Variants in MYCBP2 observed in about 807,000 individuals in gnomAD.
MYCBP2 encodes the protein E3 ubiquitin-protein ligase MYCBP2.
MYCBP2 carries 120 observed loss-of-function variants against 525.3 expected under a neutral mutation model. The ratio of observed to expected loss-of-function variants is 0.23; its 90% CI spans 0.20 to 0.27. MYCBP2 has a LOEUF of 0.27. Ranked by LOEUF, MYCBP2 falls within the 10% of genes least tolerant of loss-of-function variation. The pLI is 1.00. For synonymous variants in MYCBP2, 1,894 were observed against 1,955.8 expected, an observed-to-expected ratio of 0.97 and a Z score of 0.83; for missense variants, 4,149 against 5,657.1, an observed-to-expected ratio of 0.73 and a Z score of 8.55.
Position 77,326,851 on chromosome 13 carries a change from C to T in MYCBP2, c.-76G>A. 7.6e-7 allele frequency: 1 copy of T among 1,322,718 alleles called. No homozygotes were observed. The highest frequency in any genetic ancestry group is 9.6e-7 in the Non-Finnish European group (1 of 1,038,020). 81.9% of individuals were successfully genotyped at this position (1,322,718 alleles called of 1,614,324 possible). A position where few individuals can be genotyped will look rare whatever the true frequency, so the allele number is the denominator to read the frequency against. ...CAGACACGCGCGCGCACACACAGCC[C>T]TTTTCCAACGACGACGGCTCCGGCG... On this transcript the variant is annotated 5_prime_UTR_variant, in exon 1 of 83. Transcript: ENST00000544440. This position sits in a 1 kb window ranked among gnomAD's most constrained non-coding sequence, Gnocchi z 4.2.
Position 77,062,596 on chromosome 13 carries a change from C to G in MYCBP2, c.12774G>C (p.Met4258Ile). 2 of 1,612,248 alleles carry G rather than the reference C, an allele frequency of 1.2e-6. No individual in the cohort carries two copies. The highest frequency in any genetic ancestry group is 1.7e-4 in the Middle Eastern group (1 of 6,058). Residue 4258 changes from methionine to isoleucine, a missense_variant and splice_region_variant, in exon 74 of 83, where the codon ATG becomes ATC. Met to Ile is a conservative substitution (Grantham distance 10). Coordinates refer to ENST00000544440, the MANE Select transcript of MYCBP2 (RefSeq NM_015057.5). Reference sequence around the variant, plus strand: ...AATTCTTACAAAATTCTGATCTTACCATTTGTTTTTGTTGTCCATCCTTTC... The same window carrying G: ...AATTCTTACAAAATTCTGATCTTACGATTTGTTTTTGTTGTCCATCCTTTC... ...WMGKDGQQKQ[M>I]PMCDNHDDGE...
intron 52 of MYCBP2, among the ~76,000 whole-genome samples, chr13:77,131,079 T>C (rs2052708075): frequency 6.6e-6 from 1 of 152,234 alleles, no homozygotes; most frequent in Non-Finnish European, 1.5e-5. Context: ...CTTTATACTT[T>C]TTTGCTTTTG....
chr13:77,296,877 C>A (rs1170033288), intron 1 of MYCBP2, among the ~76,000 whole-genome samples: 1 of 152,006 alleles, frequency 6.6e-6, no homozygotes, highest in Non-Finnish European at 1.5e-5. Flanking sequence ...GGCAGCTAAG[C>A]AATATACAAT....
intron 55 of MYCBP2, among the ~76,000 whole-genome samples, chr13:77,101,117 T>C (rs973643012): frequency 3.9e-5 from 6 of 152,102 alleles, no homozygotes; most frequent in African/African-American, 1.4e-4. Context: ...GGAGACATGT[T>C]TATCACCTTT....
At chr13:77,206,925 G>T in intron 23 of MYCBP2, 100 bp from the exon 24 acceptor site, 1 of 1,081,390 alleles carries the variant, frequency 9.2e-7, no homozygotes. Context: ...AAATAATATA[G>T]TCAGCTTAAA....
chr13:77,049,855 C>T (rs966504446), intron 82 of MYCBP2, among the ~76,000 whole-genome samples: 19 of 152,100 alleles, frequency 1.2e-4, no homozygotes, highest in Admixed American at 1.1e-3. Flanking sequence ...AGGCTGGTCT[C>T]GTACTCCTGA....
In MYCBP2 at chr13:77,150,963, T is replaced by C. The variant is rs1435070126; in HGVS notation, c.6916-14A>G. 6.2e-7 allele frequency: 1 copy of C among 1,601,240 alleles called. No homozygotes were observed. Among genetic ancestry groups the C allele is most frequent in the Non-Finnish European group, 8.6e-7 (1 of 1,169,176 alleles). Reference sequence around the variant, plus strand: ...TTTCACTTCCACCTAAACATGGTATTATAGAAACCAAATACCATTATTATT... The same window carrying C: ...TTTCACTTCCACCTAAACATGGTATCATAGAAACCAAATACCATTATTATT... On this transcript the variant is annotated splice_polypyrimidine_tract_variant and intron_variant, in intron 46 of 82. Coordinates refer to ENST00000544440, the MANE Select transcript of MYCBP2 (RefSeq NM_015057.5).
At position 77,181,050 on chromosome 13, in the gene MYCBP2, CAT is replaced by C. The variant is rs1188554185; in HGVS notation, c.4941+649_4941+650del. ...TTTAACAAAATTCTTTTTGTACACA[CAT>C]ATGATTCCTATGTAGTTTTATAATT... On this transcript the variant is annotated intron_variant, in intron 33 of 82. Transcript: ENST00000544440. Among the ~76,000 whole-genome samples the C allele has an allele frequency of 3.3e-5, 5 of 152,194 alleles. 1 individual carries two copies. The highest frequency in any genetic ancestry group is 1.2e-4 in the African/African-American group (5 of 41,444).
intron 55 of MYCBP2, chr13:77,103,088 T>C (rs1206592244): frequency 2.6e-6 from 1 of 391,486 alleles, no homozygotes; most frequent in Non-Finnish European, 4.5e-6. Flanking sequence ...GTAAATAAAA[T>C]GATAAACTTT....
chr13:77,190,061 G>A (rs564557930), intron 29 of MYCBP2, among the ~76,000 whole-genome samples, 191 bp downstream of exon 29: 6 of 152,072 alleles, frequency 3.9e-5, no homozygotes, highest in Admixed American at 3.3e-4. Flanking sequence ...AGTTAAGCCT[G>A]TATGGAAAAT....
chr13:77,243,755 T>C (rs1344047576), intron 16 of MYCBP2, 51 bp downstream of exon 16: 1 of 1,517,880 alleles, frequency 6.6e-7, no homozygotes, highest in South Asian at 1.3e-5. Context: ...CTGTCAGACT[T>C]ACTGAGTTGA....
intron 23 of MYCBP2, among the ~76,000 whole-genome samples, chr13:77,209,776 G>A (rs1472904987): frequency 6.6e-6 from 1 of 152,182 alleles, no homozygotes; most frequent in Non-Finnish European, 1.5e-5. Context: ...CCAAATAAGA[G>A]AGGAAGCTGG....
chr13:77,181,792 C>T lies in MYCBP2; in HGVS notation c.4850G>A (p.Arg1617Gln), dbSNP rs745584235. 4.3e-5 allele frequency: 70 copies of T among 1,613,950 alleles called. No homozygotes were observed. Among genetic ancestry groups the T allele is most frequent in the South Asian group, 4.0e-4 (36 of 91,076 alleles). ...TGTACTAACTTGTTTAACAATTGAT[C>T]GTAGTAATACTTCTCCATCATACGC... ...PIAYDGEVLL[R>Q]SIVKQVSTEN... is the part of the protein sequence containing the mutation. Residue 1617 changes from arginine (R) to glutamine (Q), a missense_variant, in exon 33 of 83, where the codon CGA becomes CAA. Arg to Gln is a conservative substitution (Grantham distance 43). Around this residue, in one of 21 missense-constraint regions of MYCBP2, gnomAD observed 292 missense variants for 330.5 expected, o/e 0.88. Coordinates refer to ENST00000544440, the MANE Select transcript of MYCBP2 (RefSeq NM_015057.5).
intron 28 of MYCBP2, among the ~76,000 whole-genome samples, chr13:77,191,320 GC>G (rs1343931389): frequency 6.6e-6 from 1 of 152,114 alleles, no homozygotes; most frequent in Non-Finnish European, 1.5e-5. Flanking sequence ...GTTTTCTCAT[GC>G]ACTATCAAAT....
chr13:77,097,922 T>C lies in MYCBP2; in HGVS notation c.9232A>G (p.Thr3078Ala), dbSNP rs760980784. Reference protein sequence around the residue: ...IRSSLNSQQPTEEKETKLKNR... With the variant: ...IRSSLNSQQPAEEKETKLKNR... ...TTTAACTTGGTTTCTTTTTCCTCTG[T>C]AGGTTGTTGGCTATTTAAACTACTC... The change falls in exon 56 of 83, where the codon ACA (threonine) becomes GCA (alanine). Residue 3078 changes from threonine (T) to alanine (A), a missense_variant. Thr to Ala is a moderately conservative substitution (Grantham distance 58). Around this residue, in one of 21 missense-constraint regions of MYCBP2, gnomAD observed 653 missense variants for 744.7 expected, o/e 0.88. Transcript: ENST00000544440. The C allele has an allele frequency of 1.9e-6, 3 of 1,612,806 alleles. No homozygotes were observed. Among genetic ancestry groups the C allele is most frequent in the Non-Finnish European group, 1.7e-6 (2 of 1,179,616 alleles).
In MYCBP2 at chr13:77,326,389, GCA is replaced by G. The variant is rs1232602244; in HGVS notation, c.302+83_302+84del. On this transcript the variant is annotated intron_variant, in intron 1 of 82. Coordinates refer to ENST00000544440, the MANE Select transcript of MYCBP2 (RefSeq NM_015057.5). The surrounding 1 kb of genome is among the most constrained non-coding windows in gnomAD (Gnocchi z 4.2). ...TAAATGCGCAGGTACACACACGCAAGCACACACACACGCGGGTGCACGCGCGG... is the reference window on the plus strand; with the variant it reads ...TAAATGCGCAGGTACACACACGCAAGCACACACACGCGGGTGCACGCGCGG... 16 of 1,325,888 alleles carry G rather than the reference GCA, an allele frequency of 1.2e-5. No homozygotes were observed. The highest frequency in any genetic ancestry group is 5.4e-5 in the East Asian group (2 of 37,294). 82.1% of individuals were successfully genotyped at this position (1,325,888 alleles called of 1,614,324 possible).
chr13:77,064,981 T>C (rs1228128357), intron 72 of MYCBP2, among the ~76,000 whole-genome samples: 1 of 152,168 alleles, frequency 6.6e-6, no homozygotes, highest in Non-Finnish European at 1.5e-5. Flanking sequence ...AATACTCTTT[T>C]CCTGGAAATC....
Position 77,090,156 on chromosome 13 carries a change from G to A in MYCBP2, c.10475C>T (p.Pro3492Leu). Reference sequence around the variant, plus strand: ...TCTAGGAATAGCTTTAACTCGTGCAGGTAAAATGGAGTGTTGTTTATCATA... The same window carrying A: ...TCTAGGAATAGCTTTAACTCGTGCAAGTAAAATGGAGTGTTGTTTATCATA... ...SEYDKQHSIL[P>L]ARVKAIPRRR... The change falls in exon 60 of 83, where the codon CCT (proline) becomes CTT (leucine). Residue 3492 changes from proline (P) to leucine (L), a missense_variant. Physicochemically the swap from Pro to Leu is moderately conservative, Grantham distance 98. Around this residue, in one of 21 missense-constraint regions of MYCBP2, gnomAD observed 509 missense variants for 789.4 expected, o/e 0.64. Coordinates refer to ENST00000544440, the MANE Select transcript of MYCBP2 (RefSeq NM_015057.5). 2 of 1,612,578 alleles carry A rather than the reference G, an allele frequency of 1.2e-6. No homozygotes were observed. Among genetic ancestry groups the A allele is most frequent in the Non-Finnish European group, 1.7e-6 (2 of 1,179,164 alleles).
rs2076124455 is a variant in MYCBP2, at chr13:77,280,919, A to T, written c.595-2008T>A. On this transcript the variant is annotated intron_variant, in intron 3 of 82. Coordinates refer to ENST00000544440, the MANE Select transcript of MYCBP2 (RefSeq NM_015057.5). Reference sequence around the variant, plus strand: ...CAAATGGGAAAACATTCATTTTCAGAATAGTAATATATATTCAATACACAA... The same window carrying T: ...CAAATGGGAAAACATTCATTTTCAGTATAGTAATATATATTCAATACACAA... Among the ~76,000 whole-genome samples the T allele has an allele frequency of 3.9e-5, 6 of 152,336 alleles. 1 individual carries two copies. In the South Asian group the frequency reaches 1.2e-3, roughly 32 times the overall value.
Sources: gnomAD v4.1 joint callset for allele counts (sites outside exome capture counted in the v4.1 genomes callset) on GRCh38, gnomAD v4.1.1 for gene constraint, gnomAD v4.1.1 regional missense constraint, Gnocchi (gnomAD v3.1) non-coding constraint, MANE v1.5 for transcripts, NCBI Gene and HGNC (gene_info 2026-07-23, HGNC 2026-07-21) for gene names.